ANKRD36: variants seen among roughly 807,000 people sequenced by gnomAD.
ANKRD36 encodes the protein ankyrin repeat domain-containing protein 36A.
A neutral mutation model predicts 278.1 loss-of-function variants in ANKRD36; 179 were observed. The observed-to-expected ratio is 0.64, with a 90% CI of 0.57 to 0.73. The LOEUF (loss-of-function observed/expected upper bound fraction) is 0.73, where lower values mean the gene tolerates loss of function less well. ANKRD36 is among the 30% of genes least tolerant of loss of function. The pLI, the probability that ANKRD36 is intolerant of heterozygous loss-of-function variation, is 0.00. For synonymous variants in ANKRD36, 320 were observed against 641.1 expected (o/e 0.50, Z 7.57); for missense variants, 1,159 against 1,956.7 (o/e 0.59, Z 7.69).
At chr2:97,158,791 T>C in intron 17 of ANKRD36, 136 bp downstream of exon 17, 1 of 899,704 alleles carries the variant, frequency 1.1e-6, no homozygotes, top group Non-Finnish European at 1.6e-6. Context: ...TTTCCCGTGC[T>C]TTATTCACTT....
At chr2:97,197,265 GA>G (rs2060042851) in intron 42 of ANKRD36, among the ~76,000 whole-genome samples, 1 of 151,932 alleles carries the variant, frequency 6.6e-6, no homozygotes, top group Admixed American at 6.6e-5. Flanking sequence ...AGGAAGGTGT[GA>G]AAAGAGGAAG....
intron 22 of ANKRD36, among the ~76,000 whole-genome samples, chr2:97,175,234 C>T (rs1433971415): frequency 2.0e-5 from 3 of 148,182 alleles, no homozygotes; most frequent in African/African-American, 7.4e-5. Flanking sequence ...TGGTAGAATT[C>T]GGCTGTGAAT....
chr2:97,194,811 C>T, intron 39 of ANKRD36, 34 bp from the exon 40 acceptor site: 1 of 1,602,380 alleles, frequency 6.2e-7, no homozygotes, highest in African/African-American at 1.3e-5. Flanking sequence ...ATGAAACATA[C>T]CTTATTTATT....
chr2:97,226,662 G>T (rs2069770872), intron 67 of ANKRD36, among the ~76,000 whole-genome samples: 1 of 151,956 alleles, frequency 6.6e-6, no homozygotes, highest in Non-Finnish European at 1.5e-5. Flanking sequence ...GGCTTTTGTT[G>T]CCATTGCTTT....
At chr2:97,217,568 A>G (rs1295691731) in intron 64 of ANKRD36, among the ~76,000 whole-genome samples, 196 bp downstream of exon 64, 1 of 152,114 alleles carries the variant, frequency 6.6e-6, no homozygotes, top group Non-Finnish European at 1.5e-5. Context: ...ACAAGCTTAT[A>G]GACTTCCCTA....
At chr2:97,242,309 A>G (rs1468059553) in intron 69 of ANKRD36, among the ~76,000 whole-genome samples, 1 of 151,474 alleles carries the variant, frequency 6.6e-6, no homozygotes, top group Non-Finnish European at 1.5e-5. Flanking sequence ...AAAAAAATGT[A>G]TCCAGTTTTA....
chr2:97,185,358 C>G lies in ANKRD36; in HGVS notation c.1968+14C>G. 6.2e-7 allele frequency: 1 copy of G among 1,609,910 alleles called. No homozygotes were observed. The highest frequency in any genetic ancestry group is 1.1e-5 in the South Asian group (1 of 90,736). ...CCAGCCTCAAAGGTAATTAAACTCT[C>G]ATTTATATTTTGTATTAGTAACTGT... On this transcript the variant is annotated intron_variant, in intron 29 of 75. Transcript: ENST00000420699.
intron 46 of ANKRD36, among the ~76,000 whole-genome samples, chr2:97,201,961 G>C (rs1229390304): frequency 6.6e-6 from 1 of 151,860 alleles, no homozygotes; most frequent in East Asian, 1.9e-4. Flanking sequence ...TTTTATTTTA[G>C]TTTTCGACAT....
In ANKRD36 at chr2:97,206,381, C is replaced by A. The variant is rs372068901; in HGVS notation, c.3163+246C>A. ...AAGATATATGGAGAGCAGTTGAAGA[C>A]ATAAGGGTCTCTGGGGAACAGCATA... On this transcript the variant is annotated intron_variant, in intron 52 of 75. Transcript: ENST00000420699. Among the ~76,000 whole-genome samples the A allele has an allele frequency of 9.3e-4, 141 of 151,560 alleles. No homozygotes were observed. The East Asian group carries it at 1.0e-2, about 11-fold the overall frequency.
intron 20 of ANKRD36, among the ~76,000 whole-genome samples, chr2:97,167,141 A>G (rs375835473): frequency 3.2e-3 from 493 of 152,328 alleles, no homozygotes; most frequent in East Asian, 0.024. Flanking sequence ...GAAAAACACC[A>G]GAAGCGTGCA....
chr2:97,147,053 C>T (rs1236118107), intron 11 of ANKRD36, among the ~76,000 whole-genome samples: 1 of 151,468 alleles, frequency 6.6e-6, no homozygotes, highest in Admixed American at 6.6e-5. Flanking sequence ...GCCACAAGAC[C>T]GTAAGTTTTT....
chr2:97,209,175 A>G (rs2063681774), intron 54 of ANKRD36, among the ~76,000 whole-genome samples: 2 of 146,616 alleles, frequency 1.4e-5, no homozygotes, highest in African/African-American at 2.7e-5. Flanking sequence ...GGACACTTCC[A>G]CTGAAGAGAT....
intron 68 of ANKRD36, among the ~76,000 whole-genome samples, chr2:97,237,188 T>A (rs1446452472): frequency 1.3e-5 from 2 of 151,474 alleles, no homozygotes; most frequent in East Asian, 4.0e-4. Flanking sequence ...TTAGACCAGT[T>A]TTATGTTCCT....
chr2:97,211,881 C>G lies in ANKRD36; in HGVS notation c.3469+140C>G. The G allele has an allele frequency of 4.3e-6, 5 of 1,159,428 alleles. No individual in the cohort carries two copies. The South Asian group carries it at 8.4e-5, about 19-fold the overall frequency. 71.8% of individuals were successfully genotyped at this position (1,159,428 alleles called of 1,614,324 possible). A position where few individuals can be genotyped will look rare whatever the true frequency, so the allele number is the denominator to read the frequency against. ...TGAGATTATTCATTTGTAATAAGTT[C>G]TCGGGTGACCCTGATGCTGTGGTCC... On this transcript the variant is annotated intron_variant, in intron 58 of 75. Coordinates refer to ENST00000420699, the MANE Select transcript of ANKRD36 (RefSeq NM_001354587.1).
chr2:97,185,043 CA>C (rs537626350), intron 28 of ANKRD36, among the ~76,000 whole-genome samples: 259 of 151,890 alleles, frequency 1.7e-3, no homozygotes, highest in Non-Finnish European at 2.7e-3. Context: ...CCTCATCATT[CA>C]GCATATTCAC....
chr2:97,157,755 GATTA>G (rs1462581230), intron 15 of ANKRD36, among the ~76,000 whole-genome samples: 4 of 149,520 alleles, frequency 2.7e-5, no homozygotes, highest in Non-Finnish European at 4.4e-5. Flanking sequence ...AAAATAAAGT[GATTA>G]ATTGACTTTT....
intron 32 of ANKRD36, among the ~76,000 whole-genome samples, chr2:97,187,851 A>G (rs1316081551): frequency 8.6e-5 from 13 of 151,876 alleles, no homozygotes; most frequent in African/African-American, 3.1e-4. Flanking sequence ...TGATGTAGCA[A>G]TTATTTTCCC....
At position 97,183,178 on chromosome 2, in the gene ANKRD36, C is replaced by A. The variant is rs937975655; in HGVS notation, c.1838-281C>A. ...TTAGATCACATTTCTTTTCATCATT[C>A]GGCATATCCACATTGATATTGACAC... is the stretch of plus-strand genomic sequence containing the variant. On this transcript the variant is annotated intron_variant, in intron 26 of 75. Transcript: ENST00000420699. Among the ~76,000 whole-genome samples, 15 of 151,742 alleles carry A rather than the reference C, an allele frequency of 9.9e-5. No individual in the cohort carries two copies. The East Asian group carries it at 2.9e-3, about 30-fold the overall frequency.
chr2:97,207,794 T>G lies in ANKRD36; in HGVS notation c.3164-17T>G, dbSNP rs1237999014. 6.5e-7 allele frequency: 1 copy of G among 1,545,656 alleles called. No homozygotes were observed. Among genetic ancestry groups the G allele is most frequent in the Non-Finnish European group, 8.7e-7 (1 of 1,143,922 alleles). On this transcript the variant is annotated splice_polypyrimidine_tract_variant and intron_variant, in intron 52 of 75. Transcript: ENST00000420699. ...ATTTTTACACATGAGTGATTATGAA[T>G]CCCTTTTACTTTTCAGTGTCTTCTG...
Sources: gnomAD v4.1 joint callset for allele counts (sites outside exome capture counted in the v4.1 genomes callset) on GRCh38, gnomAD v4.1.1 for gene constraint, MANE v1.5 for transcripts, NCBI Gene and HGNC (gene_info 2026-07-23, HGNC 2026-07-21) for gene names.